FBXO25: variants seen among roughly 807,000 people sequenced by gnomAD.
The protein encoded by FBXO25 is F-box protein 25.
FBXO25 carries 45 observed loss-of-function variants against 51.9 expected under a neutral mutation model. The ratio of observed to expected loss-of-function variants is 0.87; its 90% CI spans 0.68 to 1.11. The LOEUF (loss-of-function observed/expected upper bound fraction) is 1.11. FBXO25 is among the 50% of genes most tolerant of loss of function. FBXO25 has a pLI of 0.00. For synonymous variants in FBXO25, 199 were observed against 151.0 expected (o/e 1.32, Z -2.33); for missense variants, 507 against 428.5 (o/e 1.18, Z -1.62).
In FBXO25 at chr8:458,747, T is replaced by C. The variant is rs576054167; in HGVS notation, c.843+196T>C. On this transcript the variant is annotated intron_variant, in intron 8 of 9. Transcript: ENST00000350302. ...TGTAAGGTTTATTTTTCATATTGAA[T>C]AGAACCATGACTCTAAAAATAACCC... Among the ~76,000 whole-genome samples, 7 of 152,332 alleles carry C rather than the reference T, an allele frequency of 4.6e-5. No individual in the cohort carries two copies. The South Asian group carries it at 1.2e-3, about 27-fold the overall frequency.
At chr8:408,963 G>A (rs1420376754) in intron 1 of FBXO25, among the ~76,000 whole-genome samples, 1 of 152,078 alleles carries the variant, frequency 6.6e-6, no homozygotes, top group East Asian at 1.9e-4. Flanking sequence ...CCAAAATAAA[G>A]GTAATTTTAA....
rs1267522741 is a variant in FBXO25, at chr8:474,493, C to G, written c.*5689C>G. 3.0e-6 allele frequency: 1 copy of G among 334,380 alleles called. No individual in the cohort carries two copies. The highest frequency in any genetic ancestry group is 8.5e-5 in the East Asian group (1 of 11,794). The allele number at this position is 334,380 out of a possible 1,614,324, so 20.7% of individuals were successfully genotyped here. ...CTGCCATAAGTGTTTTACACGGTGGCTGCACCATTTTACATTCCCACTGAA... is the reference window on the plus strand; with the variant it reads ...CTGCCATAAGTGTTTTACACGGTGGGTGCACCATTTTACATTCCCACTGAA... On this transcript the variant is annotated 3_prime_UTR_variant, in exon 10 of 10. Transcript: ENST00000350302.
chr8:468,485 G>A (rs550322095), intron 9 of FBXO25, among the ~76,000 whole-genome samples: 2 of 152,230 alleles, frequency 1.3e-5, no homozygotes, highest in South Asian at 4.2e-4. Flanking sequence ...GGGCAGACCT[G>A]GGGCCACCGT....
intron 2 of FBXO25, among the ~76,000 whole-genome samples, chr8:418,853 C>G (rs926585664): frequency 1.6e-4 from 24 of 152,074 alleles, no homozygotes; most frequent in African/African-American, 4.6e-4. Flanking sequence ...AAAAGTGAAC[C>G]TCTACTACTC....
intron 7 of FBXO25, among the ~76,000 whole-genome samples, chr8:457,274 T>C (rs11985237): frequency 0.16 from 24,887 of 152,150 alleles, 3,921 homozygotes; most frequent in African/African-American, 0.41. Context: ...TGAAGGGATT[T>C]ATTTAGATAC....
At chr8:417,424 G>C (rs765641192) in intron 2 of FBXO25, among the ~76,000 whole-genome samples, 1 of 152,232 alleles carries the variant, frequency 6.6e-6, no homozygotes, top group Non-Finnish European at 1.5e-5. Context: ...GATGAGGAAG[G>C]GCTCAAATCC....
chr8:468,592 C>G, intron 9 of FBXO25, 123 bp from the exon 10 acceptor site: 1 of 690,192 alleles, frequency 1.4e-6, no homozygotes, highest in South Asian at 1.8e-5. Context: ...AGTTATCTCC[C>G]ATGTACCTCT....
At chr8:423,087 C>G (rs1204987260) in intron 2 of FBXO25, among the ~76,000 whole-genome samples, 2 of 152,160 alleles carry the variant, frequency 1.3e-5, no homozygotes, top group African/African-American at 4.8e-5. Context: ...CTGAAAAGCC[C>G]CTTCCCTGCT....
intron 5 of FBXO25, among the ~76,000 whole-genome samples, chr8:444,905 C>T (rs189428628): frequency 5.9e-5 from 9 of 152,264 alleles, no homozygotes; most frequent in East Asian, 1.9e-4. Context: ...AGGAAATTAC[C>T]TAGCAATGCG....
At chr8:457,632 A>G (rs1237888555) in intron 7 of FBXO25, among the ~76,000 whole-genome samples, 1 of 152,228 alleles carries the variant, frequency 6.6e-6, no homozygotes, top group African/African-American at 2.4e-5. Context: ...ACTGCAGTTA[A>G]TAATTATACA....
At chr8:447,595 G>C (rs556787246) in intron 5 of FBXO25, among the ~76,000 whole-genome samples, 1 of 152,136 alleles carries the variant, frequency 6.6e-6, no homozygotes, top group African/African-American at 2.4e-5. Flanking sequence ...CTTAGAACTG[G>C]AAGTGTTTTA....
chr8:408,946 T>C (rs5009626), intron 1 of FBXO25, among the ~76,000 whole-genome samples: 87,494 of 152,078 alleles, frequency 0.58, 25,466 homozygotes, highest in African/African-American at 0.65. Context: ...TTTGTGTTTG[T>C]AAATTCCCAA....
chr8:421,504 A>G (rs1344825958), intron 2 of FBXO25, among the ~76,000 whole-genome samples: 4 of 152,228 alleles, frequency 2.6e-5, no homozygotes, highest in Non-Finnish European at 5.9e-5. Context: ...AAAACTGTAC[A>G]TATTCTAGGA....
chr8:451,361 T>C lies in FBXO25; in HGVS notation c.568T>C (p.Ser190Pro). 1 of 1,614,046 alleles carries C rather than the reference T, an allele frequency of 6.2e-7. No individual in the cohort carries two copies. The highest frequency in any genetic ancestry group is 8.5e-7 in the Non-Finnish European group (1 of 1,179,960). The change falls in exon 7 of 10, where the codon TCT (serine) becomes CCT (proline). Residue 190 changes from serine to proline, a missense_variant. Coordinates refer to ENST00000350302, the MANE Select transcript of FBXO25 (RefSeq NM_183420.2). ...LCILIRGVGK[S>P]VLVGNINIWI... is the part of the protein sequence containing the mutation. ...CATTCTTATTAGAGGAGTAGGGAAG[T>C]CTGTATTAGTGGGAAACATCAATAT...
At chr8:450,175 A>C (rs1798991897) in intron 6 of FBXO25, 92 bp downstream of exon 6, 2 of 777,718 alleles carry the variant, frequency 2.6e-6, no homozygotes, top group Admixed American at 2.7e-5. Context: ...TACCCAGTAC[A>C]CATACTGTCA....
At chr8:467,810 C>T (rs1585114679) in intron 9 of FBXO25, 5 of 1,599,956 alleles carry the variant, frequency 3.1e-6, no homozygotes, top group Admixed American at 3.3e-5. Flanking sequence ...TGCTGCATCT[C>T]ATGCACGTCA....
chr8:409,151 A>G (rs773815305), intron 1 of FBXO25, among the ~76,000 whole-genome samples: 1 of 152,142 alleles, frequency 6.6e-6, no homozygotes, highest in Non-Finnish European at 1.5e-5. Flanking sequence ...CAGACCCCAG[A>G]CGTTTTAAAT....
chr8:462,163 A>C (rs1040846430), intron 8 of FBXO25, among the ~76,000 whole-genome samples: 4 of 152,042 alleles, frequency 2.6e-5, no homozygotes, highest in Non-Finnish European at 4.4e-5. Flanking sequence ...GCTTCTCATT[A>C]TTTCACTTTT....
rs1274813884 is a variant in FBXO25 at position 472,673 on chromosome 8, A to C, written c.*3869A>C. ...TTGAGAGAACTCCATATAAGATTTG[A>C]AGTCACTGAGAAGCTTCAATTATCC... is the stretch of plus-strand genomic sequence containing the variant. On this transcript the variant is annotated 3_prime_UTR_variant, in exon 10 of 10. Coordinates refer to ENST00000350302, the MANE Select transcript of FBXO25 (RefSeq NM_183420.2). The C allele has an allele frequency of 6.6e-6, 1 of 152,230 alleles. No individual in the cohort carries two copies. The highest frequency in any genetic ancestry group is 1.5e-5 in the Non-Finnish European group (1 of 68,036). The allele number at this position is 152,230 out of a possible 1,614,324, so 9.4% of individuals were successfully genotyped here. A position where few individuals can be genotyped will look rare whatever the true frequency, so the allele number is the denominator to read the frequency against.
Sources: gnomAD v4.1 joint callset for allele counts (sites outside exome capture counted in the v4.1 genomes callset) on GRCh38, gnomAD v4.1.1 for gene constraint, MANE v1.5 for transcripts, NCBI Gene and HGNC (gene_info 2026-07-23, HGNC 2026-07-21) for gene names.